C8orf34: variants seen among roughly 807,000 people sequenced by gnomAD.
C8orf34 encodes the protein chromosome 8 open reading frame 34, also known as uncharacterized protein C8orf34.
In C8orf34, 65 loss-of-function variants were observed where a neutral mutation model predicts 68.3. That is an observed-to-expected ratio of 0.95 (90% CI 0.78 to 1.17). The LOEUF (loss-of-function observed/expected upper bound fraction) is 1.17. Among genes scored for constraint, C8orf34 ranks in the 50% most tolerant of loss-of-function variants. C8orf34 has a pLI of 0.00. For missense variants in C8orf34, 664 were observed against 655.4 expected (o/e 1.01, Z -0.14); for synonymous variants, 244 against 241.2 (o/e 1.01, Z -0.11).
At chr8:68,448,660 T>C (rs1811219264) in intron 3 of C8orf34, among the ~76,000 whole-genome samples, 1 of 152,042 alleles carries the variant, frequency 6.6e-6, no homozygotes. Context: ...AAATAGAAAT[T>C]GGACACCAAT....
At chr8:68,715,049 G>C (rs1821431143) in intron 9 of C8orf34, among the ~76,000 whole-genome samples, 1 of 152,060 alleles carries the variant, frequency 6.6e-6, no homozygotes, top group Non-Finnish European at 1.5e-5. Flanking sequence ...TCAATAAATG[G>C]TGCTGGGATA....
At chr8:68,710,571 A>T (rs1169896900) in intron 9 of C8orf34, among the ~76,000 whole-genome samples, 1 of 152,120 alleles carries the variant, frequency 6.6e-6, no homozygotes, top group African/African-American at 2.4e-5. Flanking sequence ...CCCTGGGAAT[A>T]TAACTCCATT....
intron 8 of C8orf34, among the ~76,000 whole-genome samples, chr8:68,645,888 G>T (rs1819155014): frequency 6.6e-6 from 1 of 152,074 alleles, no homozygotes; most frequent in East Asian, 1.9e-4. Flanking sequence ...CCCTAAATAG[G>T]GCGCTTTGGC....
intron 8 of C8orf34, among the ~76,000 whole-genome samples, chr8:68,669,955 C>G (rs1347697697): frequency 6.6e-6 from 1 of 152,118 alleles, no homozygotes; most frequent in Non-Finnish European, 1.5e-5. Context: ...GCTGAATAAC[C>G]TACTCACTCA....
chr8:68,520,288 T>C (rs1180920522), intron 5 of C8orf34, among the ~76,000 whole-genome samples: 1 of 152,198 alleles, frequency 6.6e-6, no homozygotes, highest in African/African-American at 2.4e-5. Flanking sequence ...ATGTTCTAAA[T>C]CATATTTCAT....
chr8:68,702,311 G>T (rs1319385777), intron 8 of C8orf34, among the ~76,000 whole-genome samples: 4 of 152,062 alleles, frequency 2.6e-5, no homozygotes, highest in Non-Finnish European at 5.9e-5. Flanking sequence ...CCAATCCAAA[G>T]ATGAATATTA....
At chr8:68,691,540 C>A (rs1193623724) in intron 8 of C8orf34, among the ~76,000 whole-genome samples, 2 of 151,886 alleles carry the variant, frequency 1.3e-5, no homozygotes, top group African/African-American at 4.8e-5. Context: ...ATTTAAATAT[C>A]TTTTTTCTAA....
intron 1 of C8orf34, among the ~76,000 whole-genome samples, chr8:68,361,033 G>A (rs1806971894): frequency 6.6e-6 from 1 of 152,042 alleles, no homozygotes; most frequent in South Asian, 2.1e-4. Context: ...GGGATTACAG[G>A]TGTGAGCCAC....
At chr8:68,381,518 G>A (rs1808031494) in intron 1 of C8orf34, among the ~76,000 whole-genome samples, 1 of 150,998 alleles carries the variant, frequency 6.6e-6, no homozygotes. Context: ...GGATCATGAG[G>A]TCAGGAGATC....
At chr8:68,331,537 G>C in intron 1 of C8orf34, 198 bp downstream of exon 1, 1 of 643,030 alleles carries the variant, frequency 1.6e-6, no homozygotes, top group Admixed American at 2.3e-5. Flanking sequence ...CGGGCACTTA[G>C]CCAGTTACCT....
chr8:68,413,363 G>T (rs1362106586), intron 1 of C8orf34, among the ~76,000 whole-genome samples: 1 of 152,204 alleles, frequency 6.6e-6, no homozygotes, highest in Non-Finnish European at 1.5e-5. Context: ...TTTGTTCACT[G>T]ACTATCTGCA....
At chr8:68,605,026 C>G (rs911405704) in intron 7 of C8orf34, among the ~76,000 whole-genome samples, 1 of 151,980 alleles carries the variant, frequency 6.6e-6, no homozygotes, top group Non-Finnish European at 1.5e-5. Context: ...AACAAAGGAT[C>G]CAATTAAAAA....
intron 4 of C8orf34, among the ~76,000 whole-genome samples, chr8:68,481,615 A>C (rs541625623): frequency 5.9e-5 from 9 of 152,302 alleles, no homozygotes; most frequent in Non-Finnish European, 1.0e-4. Flanking sequence ...CACCTCTTAC[A>C]TCAGCGTGAA....
At chr8:68,361,360 CAG>C (rs956304189) in intron 1 of C8orf34, among the ~76,000 whole-genome samples, 2 of 152,084 alleles carry the variant, frequency 1.3e-5, no homozygotes, top group Non-Finnish European at 2.9e-5. Flanking sequence ...AGGCTTCCTC[CAG>C]AGAGAGACTG....
At chr8:68,758,652 G>A (rs1250062818) in intron 10 of C8orf34, among the ~76,000 whole-genome samples, 27 of 152,000 alleles carry the variant, frequency 1.8e-4, no homozygotes, top group Non-Finnish European at 4.4e-5. Flanking sequence ...GGATCGTGGC[G>A]GCTTGCTTTC....
At chr8:68,757,268 G>C (rs988955207) in intron 10 of C8orf34, among the ~76,000 whole-genome samples, 1 of 152,114 alleles carries the variant, frequency 6.6e-6, no homozygotes, top group Non-Finnish European at 1.5e-5. Flanking sequence ...ATCTAATGGA[G>C]GACTCTGGAG....
At chr8:68,722,816 A>C (rs1464486828) in intron 10 of C8orf34, among the ~76,000 whole-genome samples, 4 of 152,088 alleles carry the variant, frequency 2.6e-5, no homozygotes, top group Admixed American at 2.0e-4. Context: ...TGTTGAATGC[A>C]TAGTTTAGCA....
chr8:68,530,473 A>C (rs1287383599), intron 6 of C8orf34: 2 of 257,232 alleles, frequency 7.8e-6, no homozygotes, highest in South Asian at 4.5e-5. Flanking sequence ...ATTCAGCTTA[A>C]CATGTTAGAT....
intron 7 of C8orf34, among the ~76,000 whole-genome samples, chr8:68,635,750 T>C (rs1301679153): frequency 2.6e-5 from 4 of 152,190 alleles, no homozygotes; most frequent in Non-Finnish European, 4.4e-5. Context: ...CAGTATGCCT[T>C]TGAGCAACTA....
Sources: allele counts gnomAD v4.1 joint callset (sites outside exome capture counted in the v4.1 genomes callset), GRCh38; gene constraint gnomAD v4.1.1; transcripts MANE v1.5; gene names NCBI Gene and HGNC (gene_info 2026-07-23, HGNC 2026-07-21).